NEGR1: variants seen among roughly 807,000 people sequenced by gnomAD.
NEGR1 encodes IgLON family member 4.
In NEGR1, 10 loss-of-function variants were observed where a neutral mutation model predicts 40.9. The observed-to-expected ratio is 0.24, with a 90% CI of 0.15 to 0.42. The LOEUF is 0.42. Ranked by LOEUF, NEGR1 falls within the 10% of genes least tolerant of loss-of-function variation. NEGR1 has a pLI of 1.00. For synonymous variants in NEGR1, 185 were observed against 166.8 expected, an observed-to-expected ratio of 1.11 and a Z score of -0.84; for missense variants, 352 against 438.9, an observed-to-expected ratio of 0.80 and a Z score of 1.77.
chr1:71,774,442 T>C (rs1220837580), intron 3 of NEGR1, among the ~76,000 whole-genome samples: 2 of 152,184 alleles, frequency 1.3e-5, no homozygotes, highest in Non-Finnish European at 2.9e-5. Context: ...TATATAAATA[T>C]ATATTGCAGA....
intron 1 of NEGR1, among the ~76,000 whole-genome samples, chr1:72,203,600 TACA>T (rs1454191540): frequency 2.6e-5 from 4 of 152,132 alleles, no homozygotes; most frequent in Non-Finnish European, 5.9e-5. Context: ...ACTTAGTTGA[TACA>T]ACAGTGGCAC....
At chr1:71,812,980 T>C (rs1225320256) in intron 2 of NEGR1, among the ~76,000 whole-genome samples, 1 of 152,152 alleles carries the variant, frequency 6.6e-6, no homozygotes, top group Non-Finnish European at 1.5e-5. Flanking sequence ...CAATTGCTTT[T>C]GATGTTTTCA....
intron 2 of NEGR1, among the ~76,000 whole-genome samples, chr1:71,807,740 G>A (rs1384849580): frequency 1.3e-5 from 2 of 152,040 alleles, no homozygotes; most frequent in Admixed American, 6.6e-5. Flanking sequence ...AGTTTCTTAC[G>A]AAAGTTTATT....
intron 1 of NEGR1, among the ~76,000 whole-genome samples, chr1:72,177,395 T>A (rs1278397022): frequency 1.3e-5 from 2 of 152,078 alleles, no homozygotes; most frequent in African/African-American, 4.8e-5. Flanking sequence ...AGTGGTTTAA[T>A]GTGTATCACA....
At chr1:71,855,126 A>G (rs1328035963) in intron 2 of NEGR1, among the ~76,000 whole-genome samples, 1 of 152,140 alleles carries the variant, frequency 6.6e-6, no homozygotes, top group Admixed American at 6.6e-5. Flanking sequence ...TTAGGCATGT[A>G]GAAGTTCTAT....
At chr1:72,164,348 T>C (rs1651695463) in intron 1 of NEGR1, among the ~76,000 whole-genome samples, 1 of 151,960 alleles carries the variant, frequency 6.6e-6, no homozygotes, top group African/African-American at 2.4e-5. Flanking sequence ...AGGAATATAG[T>C]CTAAGACCAG....
At chr1:72,057,661 T>C (rs1052146027) in intron 1 of NEGR1, among the ~76,000 whole-genome samples, 1 of 151,384 alleles carries the variant, frequency 6.6e-6, no homozygotes, top group African/African-American at 2.4e-5. Context: ...ACTGTCATAA[T>C]AAAATACCAT....
intron 4 of NEGR1, among the ~76,000 whole-genome samples, chr1:71,678,009 T>G (rs1652702977): frequency 6.6e-6 from 1 of 152,194 alleles, no homozygotes; most frequent in South Asian, 2.1e-4. Context: ...TGAGATGGAC[T>G]GAGCCTCAGA....
chr1:71,639,766 G>C (rs1454442519), intron 4 of NEGR1, among the ~76,000 whole-genome samples: 2 of 152,004 alleles, frequency 1.3e-5, no homozygotes, highest in African/African-American at 4.8e-5. Flanking sequence ...CTGAGTACCA[G>C]AGGCAGCATG....
intron 1 of NEGR1, among the ~76,000 whole-genome samples, chr1:72,250,081 T>C (rs1655035322): frequency 6.6e-6 from 1 of 152,192 alleles, no homozygotes; most frequent in African/African-American, 2.4e-5. Context: ...ATAATGTGGG[T>C]AGGTCACATT....
At chr1:71,821,171 T>C (rs1188308997) in intron 2 of NEGR1, among the ~76,000 whole-genome samples, 1 of 152,020 alleles carries the variant, frequency 6.6e-6, no homozygotes, top group African/African-American at 2.4e-5. Flanking sequence ...TGCCCTCTGC[T>C]ATAATATAGT....
intron 4 of NEGR1, among the ~76,000 whole-genome samples, chr1:71,660,924 T>A (rs982569090): frequency 6.6e-6 from 1 of 152,164 alleles, no homozygotes; most frequent in African/African-American, 2.4e-5. Context: ...TTGTTCAACT[T>A]CCACTTATGA....
intron 6 of NEGR1, among the ~76,000 whole-genome samples, chr1:71,445,992 A>G (rs564097296): frequency 6.6e-6 from 1 of 152,344 alleles, no homozygotes; most frequent in African/African-American, 2.4e-5. Context: ...TACATATTAA[A>G]TCACCCTTTT....
intron 6 of NEGR1, among the ~76,000 whole-genome samples, chr1:71,446,837 A>G (rs1646585957): frequency 6.6e-6 from 1 of 152,198 alleles, no homozygotes; most frequent in Admixed American, 6.5e-5. Context: ...AGTAACCATT[A>G]TGTTGACTTC....
chr1:71,539,984 C>G (rs72677120), intron 6 of NEGR1, among the ~76,000 whole-genome samples: 2,183 of 151,870 alleles, frequency 0.014, 18 homozygotes, highest in Non-Finnish European at 0.023. Flanking sequence ...CTATGAATTA[C>G]AACCAACCAA....
In NEGR1 at chr1:71,397,680, G is replaced by A. The variant is rs1386536073; in HGVS notation, c.*9766C>T. 6.6e-6 allele frequency: 1 copy of A among 152,122 alleles called. No individual in the cohort carries two copies. The highest frequency in any genetic ancestry group is 2.4e-5 in the African/African-American group (1 of 41,420). The allele number at this position is 152,122 out of a possible 1,614,324, so 9.4% of individuals were successfully genotyped here. Reference sequence around the variant, plus strand: ...TAAAAGTTTGAAAAATTTACAGACTGAAAATGTGATAGAAAAGAAAATCCC... The same window carrying A: ...TAAAAGTTTGAAAAATTTACAGACTAAAAATGTGATAGAAAAGAAAATCCC... On this transcript the variant is annotated 3_prime_UTR_variant, in exon 7 of 7. Coordinates refer to ENST00000357731, the MANE Select transcript of NEGR1 (RefSeq NM_173808.3).
chr1:72,214,361 G>T (rs1430583139), intron 1 of NEGR1, among the ~76,000 whole-genome samples: 2 of 152,024 alleles, frequency 1.3e-5, no homozygotes, highest in Non-Finnish European at 2.9e-5. Context: ...GGAAGTTCTG[G>T]CCAGGGCAAT....
chr1:71,478,133 T>C (rs1569922495), intron 6 of NEGR1, among the ~76,000 whole-genome samples: 1 of 152,154 alleles, frequency 6.6e-6, no homozygotes, highest in African/African-American at 2.4e-5. Flanking sequence ...GAAATGACAC[T>C]CCCTCATACC....
chr1:72,168,492 A>G (rs546251167), intron 1 of NEGR1, among the ~76,000 whole-genome samples: 1 of 152,254 alleles, frequency 6.6e-6, no homozygotes, highest in East Asian at 1.9e-4. Context: ...GTTTTCTTCA[A>G]GTTAACATTT....
Sources: allele counts gnomAD v4.1 joint callset (sites outside exome capture counted in the v4.1 genomes callset), GRCh38; gene constraint gnomAD v4.1.1; transcripts MANE v1.5; gene names NCBI Gene and HGNC (gene_info 2026-07-23, HGNC 2026-07-21).